NXPH1: variants seen among roughly 807,000 people sequenced by gnomAD.
NXPH1 encodes the protein neurexophilin 1, also known as neurexophilin-1.
Under a neutral mutation model 23.7 loss-of-function variants are expected in NXPH1, and 5 were observed. The observed-to-expected ratio is 0.21, with a 90% CI of 0.11 to 0.44. The LOEUF is 0.44. Ranked by LOEUF, NXPH1 falls within the 20% of genes least tolerant of loss-of-function variation. The pLI, the probability that NXPH1 is intolerant of heterozygous loss-of-function variation, is 0.99. For missense variants in NXPH1, 324 were observed against 321.6 expected (o/e 1.01, Z -0.06); for synonymous variants, 144 against 122.2 (o/e 1.18, Z -1.18).
intron 2 of NXPH1, among the ~76,000 whole-genome samples, chr7:8,440,780 G>C (rs1245964870): frequency 2.6e-5 from 4 of 151,812 alleles, no homozygotes; most frequent in Admixed American, 2.6e-4. Flanking sequence ...GACTAGGGGG[G>C]CGATGGGGAA....
At chr7:8,614,375 C>T (rs1314456109) in intron 2 of NXPH1, among the ~76,000 whole-genome samples, 7 of 151,870 alleles carry the variant, frequency 4.6e-5, no homozygotes. Context: ...TACATTCCTA[C>T]TGGCTGTTTA....
chr7:8,641,728 A>G (rs189579769), intron 2 of NXPH1, among the ~76,000 whole-genome samples: 1 of 152,166 alleles, frequency 6.6e-6, no homozygotes, highest in Admixed American at 6.5e-5. Context: ...GTTACATCTC[A>G]TTTTATTCAG....
chr7:8,744,806 A>C (rs1198817208), intron 2 of NXPH1, among the ~76,000 whole-genome samples: 11 of 152,248 alleles, frequency 7.2e-5, no homozygotes, highest in Non-Finnish European at 1.5e-4. Flanking sequence ...AGAATCATCA[A>C]GCTTAGTTAA....
Position 8,751,015 on chromosome 7 carries a change from G to C in NXPH1, c.62G>C (p.Cys21Ser). 6.2e-7 allele frequency: 1 copy of C among 1,613,516 alleles called. No homozygotes were observed. ...LLQPTVYLVT[C>S]ANLTNGGKSE... ...TTTCTCTTCTGTTTTCAGGTCACATGTGCCAATTTAACGAACGGTGGAAAG... is the reference window on the plus strand; with the variant it reads ...TTTCTCTTCTGTTTTCAGGTCACATCTGCCAATTTAACGAACGGTGGAAAG... Residue 21 changes from cysteine (C) to serine (S), a missense_variant, in exon 3 of 3, where the codon TGT becomes TCT. Coordinates refer to ENST00000405863, the MANE Select transcript of NXPH1 (RefSeq NM_152745.3). This position sits in a 1 kb window ranked among gnomAD's most constrained non-coding sequence, Gnocchi z 4.5.
chr7:8,726,047 T>G (rs1248602492), intron 2 of NXPH1, among the ~76,000 whole-genome samples: 1 of 152,194 alleles, frequency 6.6e-6, no homozygotes, highest in Non-Finnish European at 1.5e-5. Context: ...TGTGTTAATT[T>G]AGGCATATTG....
chr7:8,516,226 C>T (rs1401683686), intron 2 of NXPH1, among the ~76,000 whole-genome samples: 2 of 152,062 alleles, frequency 1.3e-5, no homozygotes, highest in Non-Finnish European at 2.9e-5. Flanking sequence ...TCAGTTGGAT[C>T]GTCTACTATA....
At chr7:8,522,618 T>C (rs1272158010) in intron 2 of NXPH1, among the ~76,000 whole-genome samples, 1 of 152,192 alleles carries the variant, frequency 6.6e-6, no homozygotes, top group East Asian at 1.9e-4. Flanking sequence ...CATTTTGTGA[T>C]TGTTAATTTT....
At chr7:8,551,552 C>T (rs1202310258) in intron 2 of NXPH1, among the ~76,000 whole-genome samples, 2 of 151,516 alleles carry the variant, frequency 1.3e-5, no homozygotes, top group Middle Eastern at 3.4e-3. Context: ...AGGTAAAATA[C>T]TGTGTTTAAA....
In NXPH1 at chr7:8,751,218, G is replaced by T. The variant is rs745321588; in HGVS notation, c.265G>T (p.Asp89Tyr). 1.2e-6 allele frequency: 2 copies of T among 1,613,858 alleles called. No individual in the cohort carries two copies. The highest frequency in any genetic ancestry group is 1.7e-6 in the Non-Finnish European group (2 of 1,179,810). The change falls in exon 3 of 3, where the codon GAC becomes TAC. Residue 89 changes from aspartate (D) to tyrosine (Y), a missense_variant. Asp to Tyr is a radical substitution (Grantham distance 160). Coordinates refer to ENST00000405863, the MANE Select transcript of NXPH1 (RefSeq NM_152745.3). The surrounding 1 kb of genome is among the most constrained non-coding windows in gnomAD (Gnocchi z 4.5). ...ACCTTATTCTGAGCAAGACCTCTGG[G>T]ACTGGCTGAGGAACTCCACAGACCT... ...PEPYSEQDLW[D>Y]WLRNSTDLQE...
intron 2 of NXPH1, among the ~76,000 whole-genome samples, chr7:8,661,876 A>G (rs565975995): frequency 7.9e-4 from 120 of 152,232 alleles, no homozygotes; most frequent in African/African-American, 2.7e-3. Flanking sequence ...GATACATAAA[A>G]TTATACTATG....
intron 2 of NXPH1, among the ~76,000 whole-genome samples, chr7:8,573,724 A>G (rs552683980): frequency 1.2e-4 from 19 of 152,134 alleles, no homozygotes; most frequent in Non-Finnish European, 2.5e-4. Flanking sequence ...TCTTCCAGTT[A>G]ATTATAGGTT....
intron 2 of NXPH1, among the ~76,000 whole-genome samples, chr7:8,716,593 C>A (rs185679333): frequency 3.7e-4 from 56 of 152,200 alleles, no homozygotes; most frequent in African/African-American, 1.3e-3. Context: ...AAAATTTAAA[C>A]TTGTGAAAAA....
chr7:8,635,179 C>T (rs375440786), intron 2 of NXPH1, among the ~76,000 whole-genome samples: 9 of 152,182 alleles, frequency 5.9e-5, no homozygotes, highest in Admixed American at 1.3e-4. Flanking sequence ...GCTATGTCAC[C>T]GAGGTAGAGG....
At chr7:8,650,440 G>A (rs960676860) in intron 2 of NXPH1, among the ~76,000 whole-genome samples, 1 of 152,176 alleles carries the variant, frequency 6.6e-6, no homozygotes, top group Non-Finnish European at 1.5e-5. Context: ...TTCTTGGAAT[G>A]AGCCTTAATT....
At chr7:8,744,534 CTTT>C (rs1382575103) in intron 2 of NXPH1, among the ~76,000 whole-genome samples, 8 of 152,136 alleles carry the variant, frequency 5.3e-5, no homozygotes, top group African/African-American at 4.8e-5. Context: ...TAGCATACTT[CTTT>C]ATTACCACAC....
chr7:8,495,479 T>C (rs964648672), intron 2 of NXPH1, among the ~76,000 whole-genome samples: 2 of 151,952 alleles, frequency 1.3e-5, no homozygotes, highest in African/African-American at 4.8e-5. Context: ...CATGATGCCA[T>C]GGATGAGAAA....
At chr7:8,509,347 C>T (rs890495843) in intron 2 of NXPH1, among the ~76,000 whole-genome samples, 1 of 152,050 alleles carries the variant, frequency 6.6e-6, no homozygotes, top group African/African-American at 2.4e-5. Flanking sequence ...GATGTGGTGG[C>T]TAGGATAAAC....
chr7:8,621,890 G>A (rs1269435592), intron 2 of NXPH1, among the ~76,000 whole-genome samples: 4 of 152,128 alleles, frequency 2.6e-5, no homozygotes, highest in Admixed American at 2.0e-4. Context: ...AGTGGATGAG[G>A]CAGAATGAAC....
At chr7:8,477,642 G>A (rs935061762) in intron 2 of NXPH1, among the ~76,000 whole-genome samples, 6 of 152,060 alleles carry the variant, frequency 3.9e-5, no homozygotes, top group African/African-American at 1.4e-4. Flanking sequence ...TTGGTGCTTG[G>A]GTCAGACCAG....
Sources: gnomAD v4.1 joint callset for allele counts (sites outside exome capture counted in the v4.1 genomes callset) on GRCh38, gnomAD v4.1.1 for gene constraint, Gnocchi (gnomAD v3.1) non-coding constraint, MANE v1.5 for transcripts, NCBI Gene and HGNC (gene_info 2026-07-23, HGNC 2026-07-21) for gene names.